KCNMB2: variants seen among roughly 807,000 people sequenced by gnomAD.
KCNMB2 encodes calcium-activated potassium channel subunit beta-2.
A neutral mutation model predicts 24.5 loss-of-function variants in KCNMB2; 9 were observed. The observed-to-expected ratio is 0.37, with a 90% CI of 0.22 to 0.64. The LOEUF is 0.64. Among genes scored for constraint, KCNMB2 ranks in the 30% least tolerant of loss-of-function variants. KCNMB2 has a pLI of 0.63. For synonymous variants in KCNMB2, 109 were observed against 104.4 expected (o/e 1.04, Z -0.27); for missense variants, 226 against 284.3 (o/e 0.79, Z 1.47).
chr3:178,710,412 GGA>G (rs1298754466), intron 1 of KCNMB2, among the ~76,000 whole-genome samples: 1 of 152,146 alleles, frequency 6.6e-6, no homozygotes, highest in Non-Finnish European at 1.5e-5. Context: ...CTAGGACTTT[GGA>G]GAGAACCTTA....
intron 1 of KCNMB2, chr3:178,757,208 C>A (rs1332998871): frequency 1.4e-4 from 20 of 142,742 alleles, no homozygotes; most frequent in Non-Finnish European, 2.1e-4. Flanking sequence ...CAGTTACAAT[C>A]AAAAATTACC....
chr3:178,723,110 T>C (rs1214173067), intron 1 of KCNMB2, among the ~76,000 whole-genome samples: 2 of 152,198 alleles, frequency 1.3e-5, no homozygotes, highest in African/African-American at 4.8e-5. Context: ...TGTCTTACTA[T>C]AGCATTATAG....
chr3:178,830,021 C>A (rs1714993943), intron 4 of KCNMB2, among the ~76,000 whole-genome samples: 1 of 152,102 alleles, frequency 6.6e-6, no homozygotes, highest in Non-Finnish European at 1.5e-5. Context: ...TTTTCTGTAC[C>A]CCAAAAACAC....
intron 1 of KCNMB2, among the ~76,000 whole-genome samples, chr3:178,634,667 G>A (rs1234952391): frequency 1.3e-5 from 2 of 152,122 alleles, no homozygotes; most frequent in African/African-American, 2.4e-5. Context: ...CATATCACAC[G>A]GTTTGGTCTA....
chr3:178,667,791 A>G (rs559466274), intron 1 of KCNMB2, among the ~76,000 whole-genome samples: 2 of 152,102 alleles, frequency 1.3e-5, no homozygotes, highest in Non-Finnish European at 2.9e-5. Context: ...TCTACCATCC[A>G]GGACTCTGCC....
chr3:178,671,101 A>C (rs1289839528), intron 1 of KCNMB2, among the ~76,000 whole-genome samples: 5 of 136,126 alleles, frequency 3.7e-5, no homozygotes, highest in African/African-American at 1.1e-4. Flanking sequence ...CCTCACCACC[A>C]CCCCCCACCC....
chr3:178,752,181 G>A (rs987760473), intron 1 of KCNMB2, among the ~76,000 whole-genome samples: 1 of 152,174 alleles, frequency 6.6e-6, no homozygotes, highest in Non-Finnish European at 1.5e-5. Context: ...TATATAAAAG[G>A]TATATTACTG....
intron 1 of KCNMB2, among the ~76,000 whole-genome samples, chr3:178,571,506 T>C (rs1017445322): frequency 2.1e-5 from 3 of 145,036 alleles, no homozygotes; most frequent in Non-Finnish European, 4.5e-5. Flanking sequence ...GTTTCACTTA[T>C]TTATGTATTT....
At chr3:178,741,796 G>A (rs1723504898) in intron 1 of KCNMB2, among the ~76,000 whole-genome samples, 1 of 152,170 alleles carries the variant, frequency 6.6e-6, no homozygotes, top group African/African-American at 2.4e-5. Flanking sequence ...CTGCTGAGGG[G>A]ATGAACTTGC....
chr3:178,547,260 G>GT (rs1229587309), intron 1 of KCNMB2, among the ~76,000 whole-genome samples: 1 of 152,136 alleles, frequency 6.6e-6, no homozygotes, highest in Non-Finnish European at 1.5e-5. Flanking sequence ...CTCCAGGTGT[G>GT]TAAGAAATAA....
At chr3:178,638,696 A>C (rs1465408457) in intron 1 of KCNMB2, among the ~76,000 whole-genome samples, 1 of 152,184 alleles carries the variant, frequency 6.6e-6, no homozygotes, top group African/African-American at 2.4e-5. Flanking sequence ...TTGAAGTCTC[A>C]TCAGAGGAGA....
At chr3:178,807,531 G>A in intron 2 of KCNMB2, 66 bp downstream of exon 2, 1 of 1,362,740 alleles carries the variant, frequency 7.3e-7, no homozygotes. Context: ...AGAGGATACT[G>A]ACAGGAAAGT....
chr3:178,808,154 G>C (rs1714053016), intron 2 of KCNMB2, among the ~76,000 whole-genome samples: 1 of 152,108 alleles, frequency 6.6e-6, no homozygotes, highest in Non-Finnish European at 1.5e-5. Context: ...GGCAAAGGCA[G>C]CATTAATGAA....
At chr3:178,553,704 T>A (rs572783388) in intron 1 of KCNMB2, among the ~76,000 whole-genome samples, 1 of 152,158 alleles carries the variant, frequency 6.6e-6, no homozygotes, top group African/African-American at 2.4e-5. Context: ...CACACCCAGA[T>A]AATTTTTGTA....
intron 1 of KCNMB2, among the ~76,000 whole-genome samples, chr3:178,571,934 G>C (rs548309149): frequency 1.3e-5 from 2 of 152,256 alleles, no homozygotes; most frequent in African/African-American, 4.8e-5. Context: ...GCTTATCACT[G>C]ATGGGCTTTT....
At chr3:178,568,835 A>AGAT (rs1560112344) in intron 1 of KCNMB2, among the ~76,000 whole-genome samples, 5 of 28,748 alleles carry the variant, frequency 1.7e-4, no homozygotes, top group Non-Finnish European at 3.5e-4. Context: ...GATAGATGAT[A>AGAT]GATAGATAGA....
chr3:178,599,502 G>T (rs1020398300), intron 1 of KCNMB2, among the ~76,000 whole-genome samples: 1 of 152,008 alleles, frequency 6.6e-6, no homozygotes, highest in African/African-American at 2.4e-5. Flanking sequence ...ATGACAAATC[G>T]CAACACACAA....
chr3:178,819,827 A>G (rs1016032576), intron 2 of KCNMB2, among the ~76,000 whole-genome samples: 1 of 152,194 alleles, frequency 6.6e-6, no homozygotes. Context: ...AAACTAGTAA[A>G]AATTGAAAGG....
chr3:178,707,674 G>A (rs950592828), intron 1 of KCNMB2, among the ~76,000 whole-genome samples: 9 of 151,966 alleles, frequency 5.9e-5, no homozygotes, highest in Non-Finnish European at 8.8e-5. Flanking sequence ...TTTTAAAGGC[G>A]ATGCTAATAT....
Sources: allele counts gnomAD v4.1 joint callset (sites outside exome capture counted in the v4.1 genomes callset), GRCh38; gene constraint gnomAD v4.1.1; transcripts MANE v1.5; gene names NCBI Gene and HGNC (gene_info 2026-07-23, HGNC 2026-07-21).